Variants in RHOA observed in about 807,000 individuals in gnomAD.
RHOA encodes the protein ras homolog family member A.
In RHOA, 3 loss-of-function variants were observed where a neutral mutation model predicts 17.5. The observed-to-expected ratio is 0.17, with a 90% confidence interval of 0.08 to 0.44. The LOEUF (loss-of-function observed/expected upper bound fraction) is 0.44. Ranked by LOEUF, RHOA falls within the 20% of genes least tolerant of loss-of-function variation. The pLI is 0.99. For synonymous variants in RHOA, 98 were observed against 88.4 expected (o/e 1.11, Z -0.61); for missense variants, 56 against 242.3 (o/e 0.23, Z 5.10).
At chr3:49,381,506 C>T (rs1464585483) in intron 1 of RHOA, among the ~76,000 whole-genome samples, 2 of 150,940 alleles carry the variant, frequency 1.3e-5, no homozygotes, top group South Asian at 2.1e-4. Context: ...ATTAGGCAGG[C>T]GGAGGTTGCA....
chr3:49,365,458 G>A (rs1436165931), intron 3 of RHOA, among the ~76,000 whole-genome samples: 2 of 151,810 alleles, frequency 1.3e-5, no homozygotes, highest in Admixed American at 6.6e-5. Context: ...TAGATGTTCT[G>A]TTAGTAGGTG....
Position 49,392,491 on chromosome 3 carries a change from C to T in RHOA, c.-2-16900G>A, listed in dbSNP as rs541026879. Among the ~76,000 whole-genome samples, 2 of 152,164 alleles carry T rather than the reference C, an allele frequency of 1.3e-5. 1 individual carries two copies. Among genetic ancestry groups the T allele is most frequent in the South Asian group, 4.2e-4 (2 of 4,818 alleles). On this transcript the variant is annotated intron_variant, in intron 1 of 4. Coordinates refer to ENST00000418115, the MANE Select transcript of RHOA (RefSeq NM_001664.4). ...ATGTTTAAATTTTAAAATATTCTTC[C>T]TTTTTATCAAGTAAGTAAAAATTTT...
rs549726436 is a variant in RHOA, at chr3:49,405,056, T to C, written c.-3+6764A>G. ...TGAGGTCAGGAGATCGGGACCATCC[T>C]GGCTAACACGGTAAAACCCTGTCTC... On this transcript the variant is annotated intron_variant, in intron 1 of 4. Coordinates refer to ENST00000418115, the MANE Select transcript of RHOA (RefSeq NM_001664.4). 2.7e-5 allele frequency among the ~76,000 whole-genome samples: 4 copies of C among 150,726 alleles called. No homozygotes were observed. The South Asian group carries it at 6.3e-4, about 24-fold the overall frequency.
intron 1 of RHOA, among the ~76,000 whole-genome samples, chr3:49,394,888 C>T (rs10155014): frequency 0.74 from 112,077 of 151,890 alleles, 41,822 homozygotes; most frequent in East Asian, 0.99. Flanking sequence ...AGAGCGGTAA[C>T]GATGGTTCAG....
intron 1 of RHOA, among the ~76,000 whole-genome samples, chr3:49,387,741 AAAAAAAAAAAAC>A (rs998555083): frequency 6.0e-5 from 8 of 133,528 alleles, no homozygotes; most frequent in Non-Finnish European, 8.2e-5. Flanking sequence ...TCCAGGTCTC[AAAAAAAAAAAAC>A]AAAAAAAAAA....
At chr3:49,373,273 G>A (rs569080900) in intron 2 of RHOA, 5 of 233,762 alleles carry the variant, frequency 2.1e-5, no homozygotes, top group South Asian at 1.9e-4. Flanking sequence ...GAACTCAGGA[G>A]GCGGAGGTTG....
chr3:49,402,703 G>A (rs1192264307), intron 1 of RHOA, among the ~76,000 whole-genome samples: 2 of 151,734 alleles, frequency 1.3e-5, no homozygotes, highest in African/African-American at 4.8e-5. Context: ...TCATATTCTA[G>A]GAAGCCAAGC....
Position 49,360,240 on chromosome 3 carries a change from C to T in RHOA, c.551G>A (p.Gly184Glu). The T allele has an allele frequency of 6.2e-7, 1 of 1,613,354 alleles. No homozygotes were observed. Among genetic ancestry groups the T allele is most frequent in the Non-Finnish European group, 8.5e-7 (1 of 1,179,788 alleles). Reference protein sequence around the residue: ...ATRAALQARRGKKKSGCLVL With the variant: ...ATRAALQARREKKKSGCLVL The stretch of plus-strand genomic sequence containing the variant: ...GACAAGGCACCCAGATTTTTTCTTC[C>T]CACGTCTAGCTTGCAGAGCAGCTCT... The change falls in exon 5 of 5, where the codon GGG becomes GAG. Residue 184 changes from glycine (G) to glutamate (E), a missense_variant. By Grantham distance (98) the Gly-to-Glu change is moderately conservative (BLOSUM62 -2). This residue lies in a region of RHOA where 39 missense variants were observed against 86.0 expected (regional missense o/e 0.45). Transcript: ENST00000418115.
intron 1 of RHOA, among the ~76,000 whole-genome samples, chr3:49,399,087 A>G (rs1424300258): frequency 1.5e-5 from 2 of 130,986 alleles, no homozygotes; most frequent in Non-Finnish European, 3.2e-5. Context: ...AAAAAAAAAA[A>G]GGCTGGGCAC....
At chr3:49,407,787 TCA>T (rs957796554) in intron 1 of RHOA, among the ~76,000 whole-genome samples, 1 of 152,062 alleles carries the variant, frequency 6.6e-6, no homozygotes, top group Non-Finnish European at 1.5e-5. Flanking sequence ...ACTTTTCCTT[TCA>T]CTCCACTTCA....
At chr3:49,388,928 C>T (rs577120574) in intron 1 of RHOA, among the ~76,000 whole-genome samples, 2 of 152,280 alleles carry the variant, frequency 1.3e-5, no homozygotes, top group African/African-American at 4.8e-5. Flanking sequence ...TGTACTGAAA[C>T]ATGCTACAAC....
At chr3:49,394,779 T>A (rs1437199833) in intron 1 of RHOA, among the ~76,000 whole-genome samples, 1 of 152,150 alleles carries the variant, frequency 6.6e-6, no homozygotes, top group Non-Finnish European at 1.5e-5. Flanking sequence ...TTCTCTGGTA[T>A]GAACTCAGAG....
At chr3:49,387,449 A>AG (rs2048418142) in intron 1 of RHOA, among the ~76,000 whole-genome samples, 1 of 12,484 alleles carries the variant, frequency 8.0e-5, no homozygotes, top group Non-Finnish European at 2.6e-4. Flanking sequence ...ATCTCGGGGG[A>AG]AAAAAAAAAA....
chr3:49,386,521 A>T (rs2048398012), intron 1 of RHOA, among the ~76,000 whole-genome samples: 3 of 152,202 alleles, frequency 2.0e-5, no homozygotes, highest in African/African-American at 7.2e-5. Flanking sequence ...TAAGAGGCAG[A>T]ATTGGACACT....
At position 49,360,525 on chromosome 3, in the gene RHOA, T is replaced by C. The variant is rs897550042; in HGVS notation, c.409-143A>G. On this transcript the variant is annotated intron_variant, in intron 4 of 4. Coordinates refer to ENST00000418115, the MANE Select transcript of RHOA (RefSeq NM_001664.4). ...GTCGGTCGCCCAGGCTGGAGGGCAATGGCATGATCTCAGCTGACTGCAACC... is the reference window on the plus strand; with the variant it reads ...GTCGGTCGCCCAGGCTGGAGGGCAACGGCATGATCTCAGCTGACTGCAACC... 16 of 793,586 alleles carry C rather than the reference T, an allele frequency of 2.0e-5. No individual in the cohort carries two copies. In the African/African-American group the frequency reaches 2.5e-4, roughly 12 times the overall value. 49.2% of individuals were successfully genotyped at this position (793,586 alleles called of 1,614,324 possible). A position where few individuals can be genotyped will look rare whatever the true frequency, so the allele number is the denominator to read the frequency against.
At chr3:49,405,002 C>T (rs2048801849) in intron 1 of RHOA, among the ~76,000 whole-genome samples, 1 of 150,624 alleles carries the variant, frequency 6.6e-6, no homozygotes, top group African/African-American at 2.4e-5. Context: ...AATCCCAACA[C>T]TTTGGGAGGC....
At chr3:49,360,458 A>G in intron 4 of RHOA, 76 bp from the exon 5 acceptor site, 1 of 1,437,962 alleles carries the variant, frequency 7.0e-7, no homozygotes, top group South Asian at 1.4e-5. Context: ...ATTCAAATTC[A>G]TCTAAAAGAT....
At chr3:49,399,418 A>C (rs1219710742) in intron 1 of RHOA, among the ~76,000 whole-genome samples, 2 of 152,072 alleles carry the variant, frequency 1.3e-5, no homozygotes, top group African/African-American at 2.4e-5. Context: ...CAAGATTATT[A>C]AATGAAAAAA....
At chr3:49,373,942 G>A (rs2048184697) in intron 2 of RHOA, among the ~76,000 whole-genome samples, 2 of 151,698 alleles carry the variant, frequency 1.3e-5, no homozygotes, top group South Asian at 4.1e-4. Context: ...TTTCACAAGA[G>A]CTTTGTTCCA....
Sources: allele counts gnomAD v4.1 joint callset (sites outside exome capture counted in the v4.1 genomes callset), GRCh38; gene constraint gnomAD v4.1.1; regional missense constraint gnomAD v4.1.1; transcripts MANE v1.5; gene names NCBI Gene and HGNC (gene_info 2026-07-23, HGNC 2026-07-21).